Variants in ATP10A observed in about 807,000 individuals in gnomAD.
ATP10A encodes the protein ATPase phospholipid transporting 10A (putative).
Under a neutral mutation model 147.8 loss-of-function variants are expected in ATP10A, and 111 were observed. The ratio of observed to expected loss-of-function variants is 0.75; its 90% CI spans 0.64 to 0.88. The LOEUF (loss-of-function observed/expected upper bound fraction) is 0.88, where lower values mean the gene tolerates loss of function less well. ATP10A is among the 40% of genes least tolerant of loss of function. ATP10A has a pLI of 0.00. For synonymous variants in ATP10A, 875 were observed against 841.6 expected (o/e 1.04, Z -0.69); for missense variants, 1,927 against 1,959.0 (o/e 0.98, Z 0.31).
chr15:25,801,847 A>G (rs1890953361), intron 1 of ATP10A, among the ~76,000 whole-genome samples: 1 of 152,096 alleles, frequency 6.6e-6, no homozygotes, highest in South Asian at 2.1e-4. Flanking sequence ...CCATGTCCCT[A>G]AACCTCCCCA....
chr15:25,845,794 G>T (rs1893000639), intron 1 of ATP10A, among the ~76,000 whole-genome samples: 1 of 152,160 alleles, frequency 6.6e-6, no homozygotes, highest in Non-Finnish European at 1.5e-5. Context: ...AGCCGTCCCG[G>T]AATCCATGCA....
At position 25,732,558 on chromosome 15, in the gene ATP10A, C is replaced by CTTTTTTTTTTTTTT. The variant is rs36120691; in HGVS notation, c.740+3484_740+3497dup. 7.0e-4 allele frequency among the ~76,000 whole-genome samples: 59 copies of CTTTTTTTTTTTTTT among 84,128 alleles called. 1 individual carries two copies. The highest frequency in any genetic ancestry group is 1.2e-3 in the East Asian group (3 of 2,464). The allele number at this position is 84,128 out of a possible 152,430, so 55.2% of individuals were successfully genotyped here. A position where few individuals can be genotyped will look rare whatever the true frequency, so the allele number is the denominator to read the frequency against. On this transcript the variant is annotated intron_variant, in intron 3 of 20. Coordinates refer to ENST00000555815, the MANE Select transcript of ATP10A (RefSeq NM_024490.4). ...GTGAGCATTTCACATGCGACACCTT[C>CTTTTTTTTTTTTTT]TTTTTTTTTTTTTTTGAGATGGAGT...
At position 25,714,111 on chromosome 15, in the gene ATP10A, T is replaced by C; in HGVS notation, c.1907A>G (p.Lys636Arg). ...GGTGGACGGGAAGCTGGAGCCCAAC[T>C]TGTGGCTGGACTTGTTGGCGGCCAG... is the stretch of plus-strand genomic sequence containing the variant. ...GSLAANKSSHKLGSSFPSTPS... is the reference protein window; with the variant it reads ...GSLAANKSSHRLGSSFPSTPS... The change falls in exon 10 of 21, where the codon AAG becomes AGG. Residue 636 changes from lysine (K) to arginine (R), a missense_variant. Transcript: ENST00000555815. 3 of 1,613,332 alleles carry C rather than the reference T, an allele frequency of 1.9e-6. No homozygotes were observed. Among genetic ancestry groups the C allele is most frequent in the Admixed American group, 1.7e-5 (1 of 60,026 alleles).
In ATP10A at chr15:25,777,096, CGT is replaced by C. The variant is rs34174555; in HGVS notation, c.654+3921_654+3922del. On this transcript the variant is annotated intron_variant, in intron 2 of 20. Coordinates refer to ENST00000555815, the MANE Select transcript of ATP10A (RefSeq NM_024490.4). ...GTGCATGCGTGTGTGTGCATACGTG[CGT>C]GTGTGTGTGTGTGTGTGTGTACCCG... Among the ~76,000 whole-genome samples the C allele has an allele frequency of 2.2e-3, 333 of 149,660 alleles. 2 individuals are homozygous for C. The East Asian group carries it at 0.027, about 12-fold the overall frequency.
At position 25,718,266 on chromosome 15, in the gene ATP10A, G is replaced by C; in HGVS notation, c.1497C>G (p.Thr499=). 6.2e-7 allele frequency: 1 copy of C among 1,612,580 alleles called. No individual in the cohort carries two copies. Among genetic ancestry groups the C allele is most frequent in the Non-Finnish European group, 8.5e-7 (1 of 1,179,954 alleles). The change falls in exon 8 of 21, where the codon ACC becomes ACG. Residue 499 remains threonine, a synonymous_variant. Transcript: ENST00000555815. ...SVRVVHRTQS[T]KSHRRTGSRA... is the part of the protein sequence containing the mutation. The stretch of plus-strand genomic sequence containing the variant: ...GGCTGCCCGTGCGCCGGTGGGACTT[G>C]GTGCTCTGGGTTCTGTGCACCACCC...
At chr15:25,790,485 C>T (rs1257083014) in intron 1 of ATP10A, among the ~76,000 whole-genome samples, 1 of 152,116 alleles carries the variant, frequency 6.6e-6, no homozygotes, top group African/African-American at 2.4e-5. Context: ...GGAACTCACC[C>T]CCAGAGGGCA....
At chr15:25,848,528 AG>A (rs1893136286) in intron 1 of ATP10A, among the ~76,000 whole-genome samples, 1 of 152,116 alleles carries the variant, frequency 6.6e-6, no homozygotes, top group Admixed American at 6.5e-5. Flanking sequence ...TGGTTTCGGC[AG>A]GGCGGCGGGA....
intron 3 of ATP10A, among the ~76,000 whole-genome samples, chr15:25,728,636 C>G (rs1157057131): frequency 6.6e-6 from 1 of 152,184 alleles, no homozygotes; most frequent in African/African-American, 2.4e-5. Flanking sequence ...TGCACTGGGA[C>G]AGTAGAAAAT....
chr15:25,827,749 A>G (rs1176490525), intron 1 of ATP10A, among the ~76,000 whole-genome samples: 1 of 152,224 alleles, frequency 6.6e-6, no homozygotes, highest in African/African-American at 2.4e-5. Flanking sequence ...AAAATACCTA[A>G]GACATAAAGA....
chr15:25,683,186 G>T (rs1343108184), intron 17 of ATP10A, 100 bp downstream of exon 17: 2 of 1,098,542 alleles, frequency 1.8e-6, no homozygotes, highest in East Asian at 2.4e-5. Context: ...TTTGTCCAGG[G>T]TGTCCATCTG....
At chr15:25,843,265 T>C (rs1280049084) in intron 1 of ATP10A, among the ~76,000 whole-genome samples, 1 of 109,116 alleles carries the variant, frequency 9.2e-6, no homozygotes, top group African/African-American at 3.6e-5. Flanking sequence ...ATCTCGGCAC[T>C]CCACCTATCA....
chr15:25,851,578 T>C (rs1893299041), intron 1 of ATP10A, among the ~76,000 whole-genome samples: 1 of 152,214 alleles, frequency 6.6e-6, no homozygotes, highest in Non-Finnish European at 1.5e-5. Context: ...AGAATGCTTC[T>C]TCTAGTGAGG....
chr15:25,694,034 A>C (rs1166023203), intron 14 of ATP10A, among the ~76,000 whole-genome samples: 1 of 151,928 alleles, frequency 6.6e-6, no homozygotes, highest in African/African-American at 2.4e-5. Context: ...AATTGTTGGC[A>C]TGTGGGGGTC....
Position 25,862,839 on chromosome 15 carries a change from C to A in ATP10A, c.258G>T (p.Pro86=), listed in dbSNP as rs1050174518. The change falls in exon 1 of 21, where the codon CCG becomes CCT. Residue 86 remains proline, a synonymous_variant. Coordinates refer to ENST00000555815, the MANE Select transcript of ATP10A (RefSeq NM_024490.4). ...CGATGAAGACAAAGTACACGTTGGCCGGGCGGTGGAACTGCTCGAACAGGT... is the reference window on the plus strand; with the variant it reads ...CGATGAAGACAAAGTACACGTTGGCAGGGCGGTGGAACTGCTCGAACAGGT... ...PKNLFEQFHR[P]ANVYFVFIAL... The A allele has an allele frequency of 4.3e-6, 7 of 1,609,898 alleles. No individual in the cohort carries two copies. Among genetic ancestry groups the A allele is most frequent in the Middle Eastern group, 1.7e-4 (1 of 6,050 alleles).
intron 13 of ATP10A, among the ~76,000 whole-genome samples, chr15:25,698,189 A>C (rs1390099735): frequency 6.6e-6 from 1 of 152,204 alleles, no homozygotes; most frequent in African/African-American, 2.4e-5. Context: ...TGATAAATGT[A>C]CTAGGCTAAT....
At chr15:25,812,282 A>C (rs1891467500) in intron 1 of ATP10A, among the ~76,000 whole-genome samples, 1 of 152,172 alleles carries the variant, frequency 6.6e-6, no homozygotes, top group African/African-American at 2.4e-5. Flanking sequence ...TCTCACTCAG[A>C]TCCTCACCCT....
intron 8 of ATP10A, among the ~76,000 whole-genome samples, chr15:25,717,822 G>A (rs1434603829): frequency 6.6e-6 from 1 of 152,196 alleles, no homozygotes; most frequent in African/African-American, 2.4e-5. Context: ...TTATGGATTT[G>A]GGCTCGTCTA....
chr15:25,842,266 C>T (rs1892841635), intron 1 of ATP10A, among the ~76,000 whole-genome samples: 1 of 152,252 alleles, frequency 6.6e-6, no homozygotes, highest in South Asian at 2.1e-4. Context: ...TTCTCTATAC[C>T]TGTTGGCGGT....
intron 5 of ATP10A, 130 bp from the exon 6 acceptor site, chr15:25,724,151 GC>G: frequency 9.7e-7 from 1 of 1,033,140 alleles, no homozygotes; most frequent in Non-Finnish European, 1.3e-6. Context: ...ACTCAGCTTT[GC>G]CATGTCAGAA....
Sources: allele counts gnomAD v4.1 joint callset (sites outside exome capture counted in the v4.1 genomes callset), GRCh38; gene constraint gnomAD v4.1.1; transcripts MANE v1.5; gene names NCBI Gene and HGNC (gene_info 2026-07-23, HGNC 2026-07-21).